The following RGS3 variants were observed in gnomAD, a reference collection of about 807,000 sequenced individuals.
RGS3 encodes regulator of G protein signaling 3, also known as regulator of G-protein signalling 3.
A neutral mutation model predicts 132.6 loss-of-function variants in RGS3; 80 were observed. The ratio of observed to expected loss-of-function variants is 0.60; its 90% confidence interval spans 0.50 to 0.73. The LOEUF is 0.73. Ranked by LOEUF, RGS3 falls within the 30% of genes least tolerant of loss-of-function variation. The pLI is 0.00. For synonymous variants in RGS3, 598 were observed against 620.6 expected (o/e 0.96, Z 0.54); for missense variants, 1,382 against 1,530.8 (o/e 0.90, Z 1.62).
intron 1 of RGS3, among the ~76,000 whole-genome samples, chr9:113,461,466 G>T (rs193153610): frequency 6.6e-6 from 1 of 152,278 alleles, no homozygotes; most frequent in East Asian, 1.9e-4. Context: ...TGACCGACCT[G>T]TCCTTTTAGG....
chr9:113,536,445 G>T, intron 18 of RGS3: 1 of 1,009,312 alleles, frequency 9.9e-7, no homozygotes, highest in Non-Finnish European at 1.2e-6. Flanking sequence ...TGGCCCTCTG[G>T]GCTTCCCACG....
chr9:113,523,079 C>A (rs1318388123), intron 17 of RGS3, 38 bp downstream of exon 15: 1 of 1,349,738 alleles, frequency 7.4e-7, no homozygotes, highest in Non-Finnish European at 1.1e-6. Flanking sequence ...CCCCTCTCAA[C>A]TTGCCCCAGT....
intron 10 of RGS3, among the ~76,000 whole-genome samples, chr9:113,499,789 T>C (rs1830808424): frequency 6.6e-6 from 1 of 152,196 alleles, no homozygotes; most frequent in Admixed American, 6.5e-5. Flanking sequence ...GGGAACTGAG[T>C]GTCAACTTTA....
chr9:113,541,246 GAGGC>G, intron 19 of RGS3: 1 of 1,503,480 alleles, frequency 6.7e-7, no homozygotes, highest in African/African-American at 1.4e-5. Context: ...GAAAGGAACA[GAGGC>G]AGGTCCTGCA....
intron 21 of RGS3, chr9:113,592,180 T>C (rs1229507581): frequency 6.6e-6 from 1 of 152,298 alleles, no homozygotes; most frequent in Non-Finnish European, 1.5e-5. Context: ...TAGAAAGCCT[T>C]CCTCACCCCA....
At chr9:113,467,782 C>A (rs536094993) in intron 3 of RGS3, among the ~76,000 whole-genome samples, 298 of 152,208 alleles carry the variant, frequency 2.0e-3, no homozygotes, top group East Asian at 4.6e-3. Context: ...CATGGCTCCT[C>A]TTTGACCATG....
At chr9:113,583,913 T>G (rs1404604743) in exon 20 of RGS3, 1 of 1,614,070 alleles carries the variant, frequency 6.2e-7, no homozygotes, top group Non-Finnish European at 8.5e-7. Context: ...GAGGACACCA[T>G]GAGCTCCGGG....
chr9:113,490,455 C>T (rs1056136822), intron 7 of RGS3, among the ~76,000 whole-genome samples: 3 of 151,664 alleles, frequency 2.0e-5, no homozygotes, highest in Non-Finnish European at 2.9e-5. Context: ...AGTAATTCCT[C>T]AATATGCCAT....
intron 18 of RGS3, among the ~76,000 whole-genome samples, chr9:113,535,630 G>A (rs1832646612): frequency 6.6e-6 from 1 of 152,180 alleles, no homozygotes; most frequent in Admixed American, 6.5e-5. Context: ...CTTTCCTGAG[G>A]TTGACAGCTG....
chr9:113,501,287 G>T (rs1204449207), intron 10 of RGS3: 7 of 638,768 alleles, frequency 1.1e-5, no homozygotes, highest in Non-Finnish European at 1.7e-5. Context: ...CAGAACAAAG[G>T]CGCCCTCTCC....
chr9:113,469,454 A>C (rs1404143164), intron 3 of RGS3, among the ~76,000 whole-genome samples: 1 of 152,114 alleles, frequency 6.6e-6, no homozygotes, highest in Non-Finnish European at 1.5e-5. Context: ...AATTCCTCAA[A>C]GTTTCTGGCC....
At chr9:113,476,415 G>A (rs758615198) in intron 3 of RGS3, among the ~76,000 whole-genome samples, 2 of 152,178 alleles carry the variant, frequency 1.3e-5, no homozygotes, top group Non-Finnish European at 2.9e-5. Context: ...ACATTTGGTG[G>A]AGTAGCATGA....
chr9:113,592,575 C>G (rs1835495592), intron 21 of RGS3: 1 of 152,176 alleles, frequency 6.6e-6, no homozygotes, highest in Admixed American at 6.6e-5. Flanking sequence ...CCTCCGCCTC[C>G]CAAGTTCAAG....
At chr9:113,562,326 A>T (rs955172971) in intron 19 of RGS3, among the ~76,000 whole-genome samples, 4 of 151,998 alleles carry the variant, frequency 2.6e-5, no homozygotes, top group Non-Finnish European at 5.9e-5. Context: ...AAATGCAAAA[A>T]ATCAGCTGGG....
chr9:113,520,298 C>T (rs1270829355), intron 16 of RGS3, among the ~76,000 whole-genome samples: 1 of 152,248 alleles, frequency 6.6e-6, no homozygotes, highest in African/African-American at 2.4e-5. Flanking sequence ...ACATGCCCTC[C>T]CCGGCACGCT....
chr9:113,565,635 C>T lies in RGS3; in HGVS notation c.2038-17815C>T, dbSNP rs554235372. ...CGCCAGGAGCTGCCACAGCCACGGC[C>T]GCCCGCCTGCGGGAGGAGCCGGGTG... On this transcript the variant is annotated intron_variant, in intron 19 of 24. Transcript: ENST00000350696. The surrounding 1 kb of genome is among the most constrained non-coding windows in gnomAD (Gnocchi z 5.7). The T allele has an allele frequency of 4.1e-5, 11 of 265,368 alleles. No individual in the cohort carries two copies. The East Asian group carries it at 1.1e-3, about 28-fold the overall frequency. The allele number at this position is 265,368 out of a possible 1,614,324, so 16.4% of individuals were successfully genotyped here. A position where few individuals can be genotyped will look rare whatever the true frequency, so the allele number is the denominator to read the frequency against.
In RGS3 at chr9:113,462,018, C is replaced by T. The variant is rs372270132; in HGVS notation, c.235-3C>T. On this transcript the variant is annotated splice_polypyrimidine_tract_variant and splice_region_variant and intron_variant, in intron 2 of 24. Transcript: ENST00000350696. ...AACTCATGCTCCCATCTTGCTCCTG[C>T]AGGTCTGCCACGTCTCTGTGCTCAG... The T allele has an allele frequency of 3.1e-6, 5 of 1,612,620 alleles. No homozygotes were observed. The African/African-American group carries it at 4.0e-5, about 13-fold the overall frequency.
chr9:113,503,623 T>A (rs887799398), intron 10 of RGS3, among the ~76,000 whole-genome samples: 5 of 152,216 alleles, frequency 3.3e-5, no homozygotes, highest in Non-Finnish European at 7.3e-5. Context: ...CTCCAGTTAC[T>A]GCCCCATAAC....
intron 15 of RGS3, among the ~76,000 whole-genome samples, chr9:113,517,064 G>A (rs1831707272): frequency 6.6e-6 from 1 of 152,242 alleles, no homozygotes; most frequent in South Asian, 2.1e-4. Context: ...GACAGTTCAA[G>A]TGTGCTATGA....
Sources: gnomAD v4.1 joint callset for allele counts (sites outside exome capture counted in the v4.1 genomes callset) on GRCh38, gnomAD v4.1.1 for gene constraint, Gnocchi (gnomAD v3.1) non-coding constraint, MANE v1.5 for transcripts, NCBI Gene and HGNC (gene_info 2026-07-23, HGNC 2026-07-21) for gene names.